SCAPER: variants seen among roughly 807,000 people sequenced by gnomAD.
SCAPER encodes the protein S-phase cyclin A associated protein in the ER, also known as S phase cyclin A-associated protein in the endoplasmic reticulum.
A neutral mutation model predicts 182.2 loss-of-function variants in SCAPER; 98 were observed. That is an observed-to-expected ratio of 0.54 (90% CI 0.46 to 0.64). The LOEUF (loss-of-function observed/expected upper bound fraction) is 0.64, where lower values mean the gene tolerates loss of function less well. Among genes scored for constraint, SCAPER ranks in the 30% least tolerant of loss-of-function variants. SCAPER has a pLI of 0.00. For synonymous variants in SCAPER, 605 were observed against 564.6 expected (o/e 1.07, Z -1.01); for missense variants, 1,432 against 1,690.0 (o/e 0.85, Z 2.68).
intron 9 of SCAPER, among the ~76,000 whole-genome samples, chr15:76,773,714 G>A (rs1221977515): frequency 6.6e-6 from 1 of 151,840 alleles, no homozygotes; most frequent in Non-Finnish European, 1.5e-5. Flanking sequence ...ATTCTCATCA[G>A]TAAAGGAAGA....
chr15:76,583,590 C>T (rs967225283), intron 22 of SCAPER, among the ~76,000 whole-genome samples: 32 of 152,210 alleles, frequency 2.1e-4, no homozygotes, highest in Admixed American at 2.1e-3. Context: ...ATCTGATAAT[C>T]TAATTAAAAA....
intron 24 of SCAPER, among the ~76,000 whole-genome samples, chr15:76,472,831 G>T (rs969355189): frequency 6.6e-6 from 1 of 152,144 alleles, no homozygotes; most frequent in Non-Finnish European, 1.5e-5. Context: ...ATGACTCTGA[G>T]ACATGTAGCC....
chr15:76,440,907 GTTTTTTTTTTGTTTTTT>G (rs1471807958), intron 25 of SCAPER, among the ~76,000 whole-genome samples: 1,311 of 82,914 alleles, frequency 0.016, 50 homozygotes, highest in African/African-American at 0.055. Flanking sequence ...TCCCCTTCTG[GTTTTTTTTTTGTTTTTT>G]TTTTTTTTTT....
At chr15:76,494,556 T>C (rs2143479110) in intron 24 of SCAPER, among the ~76,000 whole-genome samples, 1 of 152,342 alleles carries the variant, frequency 6.6e-6, no homozygotes, top group East Asian at 1.9e-4. Context: ...ATTTTACTTT[T>C]ATTAAAATAG....
intron 22 of SCAPER, among the ~76,000 whole-genome samples, chr15:76,611,147 G>A (rs550281832): frequency 2.6e-5 from 4 of 152,110 alleles, no homozygotes; most frequent in Admixed American, 2.0e-4. Context: ...AGGGCACCAA[G>A]AACATGCAAT....
intron 2 of SCAPER, among the ~76,000 whole-genome samples, chr15:76,873,535 A>C (rs2072932462): frequency 6.6e-6 from 1 of 152,240 alleles, no homozygotes. Flanking sequence ...AAATGTGCAC[A>C]TATCTAACAC....
In SCAPER at chr15:76,602,518, G is replaced by T. The variant is rs1385663776; in HGVS notation, c.2711+19246C>A. On this transcript the variant is annotated intron_variant, in intron 22 of 31. Transcript: ENST00000563290. ...CAATTTGAATATCATACGCTCACAG[G>T]TAGAATTTTTTGTTTTTGTTTTTTG... Among the ~76,000 whole-genome samples the T allele has an allele frequency of 6.7e-5, 8 of 120,202 alleles. 2 individuals are homozygous for T. In the Admixed American group the frequency reaches 7.7e-4, roughly 12 times the overall value. The allele number at this position is 120,202 out of a possible 152,430, so 78.9% of individuals were successfully genotyped here.
intron 23 of SCAPER, among the ~76,000 whole-genome samples, chr15:76,533,046 C>G (rs1020950064): frequency 5.3e-5 from 8 of 152,126 alleles, no homozygotes; most frequent in African/African-American, 1.9e-4. Flanking sequence ...TATTATGCAG[C>G]AGAAATGATC....
chr15:76,810,574 CACAAAAG>C (rs1351425143), intron 5 of SCAPER, among the ~76,000 whole-genome samples: 1 of 145,446 alleles, frequency 6.9e-6, no homozygotes, highest in Non-Finnish European at 1.5e-5. Context: ...CACACACACA[CACAAAAG>C]AAGAGAGCAA....
At chr15:76,867,275 G>A (rs1435448184) in intron 2 of SCAPER, among the ~76,000 whole-genome samples, 2 of 152,056 alleles carry the variant, frequency 1.3e-5, no homozygotes, top group Non-Finnish European at 2.9e-5. Flanking sequence ...TGAAATTCTT[G>A]TATCTTTTTT....
At chr15:76,607,825 T>C (rs888823504) in intron 22 of SCAPER, among the ~76,000 whole-genome samples, 1 of 152,258 alleles carries the variant, frequency 6.6e-6, no homozygotes, top group Admixed American at 6.5e-5. Flanking sequence ...CTGAGGCTTC[T>C]GCATTCGTCA....
intron 20 of SCAPER, among the ~76,000 whole-genome samples, chr15:76,670,912 T>A (rs2056966999): frequency 6.6e-6 from 1 of 152,212 alleles, no homozygotes; most frequent in Non-Finnish European, 1.5e-5. Flanking sequence ...TTAAAATAAT[T>A]ACAGTGTTAT....
chr15:76,724,942 C>T (rs181157160), intron 17 of SCAPER, among the ~76,000 whole-genome samples: 3 of 152,206 alleles, frequency 2.0e-5, no homozygotes, highest in Admixed American at 6.6e-5. Flanking sequence ...AGTCATTCTC[C>T]GTCCAGCTTT....
chr15:76,655,599 T>G lies in SCAPER; in HGVS notation c.2645+10054A>C, dbSNP rs111743481. ...TGCAAGACATACAGTCATCAGACTC[T>G]CCACAATCAAAGTGAAAGGAAGAAT... On this transcript the variant is annotated intron_variant, in intron 21 of 31. Coordinates refer to ENST00000563290, the MANE Select transcript of SCAPER (RefSeq NM_020843.4). Among the ~76,000 whole-genome samples the G allele has an allele frequency of 1.7e-3, 253 of 152,282 alleles. 2 individuals are homozygous for G. Among genetic ancestry groups the G allele is most frequent in the Middle Eastern group, 0.014 (4 of 294 alleles).
intron 6 of SCAPER, among the ~76,000 whole-genome samples, chr15:76,803,154 C>T (rs2065913245): frequency 6.6e-6 from 1 of 152,206 alleles, no homozygotes; most frequent in South Asian, 2.1e-4. Context: ...GAGCTCTACA[C>T]AATGTGGTCC....
At chr15:76,460,712 T>G (rs1189136802) in intron 25 of SCAPER, among the ~76,000 whole-genome samples, 2 of 152,164 alleles carry the variant, frequency 1.3e-5, no homozygotes, top group Non-Finnish European at 1.5e-5. Context: ...AAATTCTCTT[T>G]CCATTCTTCA....
At chr15:76,715,702 C>T (rs2059856638) in intron 17 of SCAPER, among the ~76,000 whole-genome samples, 1 of 152,058 alleles carries the variant, frequency 6.6e-6, no homozygotes, top group East Asian at 1.9e-4. Context: ...GTTCTGGATC[C>T]CAAATGGCAA....
Position 76,574,267 on chromosome 15 carries a change from T to C in SCAPER, c.2729A>G (p.Lys910Arg), listed in dbSNP as rs2047660893. The change falls in exon 23 of 32, where the codon AAA (lysine) becomes AGA (arginine). Residue 910 changes from lysine to arginine, a missense_variant. Around this residue, in one of 5 missense-constraint regions of SCAPER, gnomAD observed 718 missense variants for 799.7 expected, o/e 0.90. Transcript: ENST00000563290. The stretch of plus-strand genomic sequence containing the variant: ...AACTTGTACTTGTTTTAGAAGATCT[T>C]TGGCTAATCGCTGAAGCCTTTAATA... ...PYKAKLQRLA[K>R]DLLKQVQVQD... is the part of the protein sequence containing the mutation. 1.2e-6 allele frequency: 2 copies of C among 1,611,570 alleles called. No individual in the cohort carries two copies. Among genetic ancestry groups the C allele is most frequent in the African/African-American group, 1.3e-5 (1 of 74,888 alleles).
chr15:76,738,592 C>A (rs1471687766), intron 15 of SCAPER, among the ~76,000 whole-genome samples: 1 of 151,234 alleles, frequency 6.6e-6, no homozygotes, highest in Non-Finnish European at 1.5e-5. Flanking sequence ...GATTAATAAC[C>A]AATTAGCCTA....
Sources: gnomAD v4.1 joint callset for allele counts (sites outside exome capture counted in the v4.1 genomes callset) on GRCh38, gnomAD v4.1.1 for gene constraint, gnomAD v4.1.1 regional missense constraint, MANE v1.5 for transcripts, NCBI Gene and HGNC (gene_info 2026-07-23, HGNC 2026-07-21) for gene names.